Variants in HDHD5 observed in about 807,000 individuals in gnomAD.
HDHD5 encodes haloacid dehalogenase like hydrolase domain containing 5.
HDHD5 carries 34 observed loss-of-function variants against 35.5 expected under a neutral mutation model. The observed-to-expected ratio is 0.96, with a 90% CI of 0.73 to 1.28. The LOEUF (loss-of-function observed/expected upper bound fraction) is 1.28, where lower values mean the gene tolerates loss of function less well. Among genes scored for constraint, HDHD5 ranks in the 50% most tolerant of loss-of-function variants. The pLI is 0.00. For missense variants in HDHD5, 589 were observed against 560.2 expected, an observed-to-expected ratio of 1.05 and a Z score of -0.52; for synonymous variants, 248 against 240.6, an observed-to-expected ratio of 1.03 and a Z score of -0.29.
At chr22:17,145,530 T>C (rs1029495090) in intron 3 of HDHD5, among the ~76,000 whole-genome samples, 1 of 152,078 alleles carries the variant, frequency 6.6e-6, no homozygotes, top group Admixed American at 6.6e-5. Context: ...TAGTGAGACC[T>C]TGTCTCTACA....
chr22:17,149,806 A>G, intron 1 of HDHD5, 61 bp from the exon 2 acceptor site: 1 of 1,492,594 alleles, frequency 6.7e-7, no homozygotes, highest in South Asian at 1.2e-5. Flanking sequence ...CCTTACAAAG[A>G]GAGGCTCAAC....
chr22:17,152,834 G>A (rs1401387216), intron 1 of HDHD5, among the ~76,000 whole-genome samples: 1 of 152,040 alleles, frequency 6.6e-6, no homozygotes, highest in Non-Finnish European at 1.5e-5. Flanking sequence ...TCTTTCCACT[G>A]AACAGGCAAG....
intron 4 of HDHD5, among the ~76,000 whole-genome samples, chr22:17,144,400 C>T (rs2061634199): frequency 6.6e-6 from 1 of 151,380 alleles, no homozygotes; most frequent in Non-Finnish European, 1.5e-5. Context: ...TAGGCATGCG[C>T]CACCATATGT....
intron 1 of HDHD5, among the ~76,000 whole-genome samples, chr22:17,153,313 A>G (rs1316629479): frequency 6.6e-6 from 1 of 152,238 alleles, no homozygotes; most frequent in East Asian, 1.9e-4. Flanking sequence ...AACCTCAAAA[A>G]GAACTCAGCA....
intron 6 of HDHD5, among the ~76,000 whole-genome samples, chr22:17,139,721 T>C (rs1328253058): frequency 2.0e-5 from 3 of 152,170 alleles, no homozygotes; most frequent in East Asian, 2.0e-4. Context: ...TACAGGCACC[T>C]GCCACCATGC....
Position 17,144,111 on chromosome 22 carries a change from G to C in HDHD5, c.537+913C>G, listed in dbSNP as rs549122212. Among the ~76,000 whole-genome samples, 3 of 152,396 alleles carry C rather than the reference G, an allele frequency of 2.0e-5. No individual in the cohort carries two copies. The South Asian group carries it at 6.2e-4, about 32-fold the overall frequency. On this transcript the variant is annotated intron_variant, in intron 4 of 7. Coordinates refer to ENST00000336737, the MANE Select transcript of HDHD5 (RefSeq NM_033070.3). ...AGGATTGCTAACTTCACAATGGCCA[G>C]CTCTCCTGGGCAGCACTGGGAAGGC...
chr22:17,164,222 G>GAAAAAAAAAAAAAAAAAAAAAAA (rs60212114), upstream of HDHD5, among the ~76,000 whole-genome samples: 1 of 111,962 alleles, frequency 8.9e-6, no homozygotes. Context: ...CTCCATCTCA[G>GAAAAAAAAAAAAAAAAAAAAAAA]AAAAAAAAAA....
chr22:17,143,485 C>T (rs879806193), intron 4 of HDHD5: 13 of 207,490 alleles, frequency 6.3e-5, no homozygotes, highest in Non-Finnish European at 1.1e-4. Context: ...GGCATCACGC[C>T]TGATGGGCCA....
chr22:17,158,307 T>G (rs1341227375), intron 1 of HDHD5: 1 of 151,586 alleles, frequency 6.6e-6, no homozygotes, highest in Admixed American at 6.6e-5. Context: ...GTGACAGAGA[T>G]GCCGTCTAAA....
At chr22:17,157,513 G>A (rs1192910573) in intron 1 of HDHD5, among the ~76,000 whole-genome samples, 2 of 152,138 alleles carry the variant, frequency 1.3e-5, no homozygotes, top group East Asian at 1.9e-4. Context: ...TCTAAAGCTC[G>A]TGCTCAAACT....
chr22:17,138,183 G>A lies in HDHD5; in HGVS notation c.1110C>T (p.Asn370=). The change falls in exon 8 of 8, where the codon AAC becomes AAT. Residue 370 remains asparagine (N), a synonymous_variant. Coordinates refer to ENST00000336737, the MANE Select transcript of HDHD5 (RefSeq NM_033070.3). ...LVCTGVYNPR[N]PQSTEPVLGG... ...CAAGGACAGGCTCCGTGGACTGTGG[G>A]TTCCTGGGATTGTAGACGCCTGTAC... The A allele has an allele frequency of 6.2e-7, 1 of 1,614,212 alleles. No individual in the cohort carries two copies. The highest frequency in any genetic ancestry group is 1.1e-5 in the South Asian group (1 of 91,080).
Position 17,159,165 on chromosome 22 carries a change from G to A in HDHD5, c.87C>T (p.Gly29=). 1 of 1,220,692 alleles carries A rather than the reference G, an allele frequency of 8.2e-7. No individual in the cohort carries two copies. Among genetic ancestry groups the A allele is most frequent in the Non-Finnish European group, 1.0e-6 (1 of 980,176 alleles). The allele number at this position is 1,220,692 out of a possible 1,614,324, so 75.6% of individuals were successfully genotyped here. The change falls in exon 1 of 8, where the codon GGC becomes GGT. Residue 29 remains glycine (G), a synonymous_variant. Coordinates refer to ENST00000336737, the MANE Select transcript of HDHD5 (RefSeq NM_033070.3). ...RAARAAAGLQ[G]RPARRCYAVG... ...CAGCATAGCACCTGCGGGCGGGGCG[G>A]CCCTGGAGCCCCGCAGCCGCGCGCG...
At chr22:17,150,045 AG>A (rs1354920475) in intron 1 of HDHD5, among the ~76,000 whole-genome samples, 1 of 152,168 alleles carries the variant, frequency 6.6e-6, no homozygotes, top group Non-Finnish European at 1.5e-5. Flanking sequence ...ACTGGGCTCA[AG>A]GGATCCTCTC....
At chr22:17,164,913 CAG>C (rs1377668720) in intron 1 of HDHD5, among the ~76,000 whole-genome samples, 3 of 152,166 alleles carry the variant, frequency 2.0e-5, no homozygotes, top group Non-Finnish European at 4.4e-5. Flanking sequence ...GCTGGAAGAA[CAG>C]GGGTGGAGGA....
In HDHD5 at chr22:17,148,571, A is replaced by G. The variant is rs756674717; in HGVS notation, c.331-11T>C. On this transcript the variant is annotated splice_polypyrimidine_tract_variant and intron_variant, in intron 2 of 7. Coordinates refer to ENST00000336737, the MANE Select transcript of HDHD5 (RefSeq NM_033070.3). ...TTGGTCTGCATCCACCTGTAGGGAC[A>G]GCCAAGACAGGGGAGGGCAGAGGAA... The G allele has an allele frequency of 6.3e-7, 1 of 1,594,096 alleles. No homozygotes were observed. Among genetic ancestry groups the G allele is most frequent in the South Asian group, 1.1e-5 (1 of 90,624 alleles).
chr22:17,140,226 C>T (rs1285211565), intron 6 of HDHD5, among the ~76,000 whole-genome samples: 1 of 152,178 alleles, frequency 6.6e-6, no homozygotes, highest in East Asian at 1.9e-4. Context: ...ATAACAGCAA[C>T]CGAACAGTAC....
At chr22:17,159,083 C>T in intron 1 of HDHD5, 43 bp downstream of exon 1, 1 of 1,233,332 alleles carries the variant, frequency 8.1e-7, no homozygotes, top group Non-Finnish European at 1.0e-6. Context: ...CCGCCTCCGG[C>T]CCTGAGTGGC....
Sources: allele counts gnomAD v4.1 joint callset (sites outside exome capture counted in the v4.1 genomes callset), GRCh38; gene constraint gnomAD v4.1.1; transcripts MANE v1.5; gene names NCBI Gene and HGNC (gene_info 2026-07-23, HGNC 2026-07-21).